Variants in BOD1L1 observed in about 807,000 individuals in gnomAD.
BOD1L1 encodes the protein biorientation of chromosomes in cell division protein 1-like 1.
BOD1L1 carries 86 observed loss-of-function variants against 240.7 expected under a neutral mutation model. The observed-to-expected ratio is 0.36, with a 90% CI of 0.30 to 0.43. The LOEUF (loss-of-function observed/expected upper bound fraction) is 0.43. Ranked by LOEUF, BOD1L1 falls within the 20% of genes least tolerant of loss-of-function variation. The pLI, the probability that BOD1L1 is intolerant of heterozygous loss-of-function variation, is 1.00. For synonymous variants in BOD1L1, 1,268 were observed against 1,272.3 expected (o/e 1.00, Z 0.07); for missense variants, 3,554 against 3,643.5 (o/e 0.98, Z 0.63).
chr4:13,598,860 A>G (rs2108934582), intron 10 of BOD1L1, 86 bp downstream of exon 10: 2 of 1,355,548 alleles, frequency 1.5e-6, no homozygotes, highest in South Asian at 1.7e-5. Flanking sequence ...AACCAAAACC[A>G]TCTTTTGGAA....
Position 13,569,533 on chromosome 4 carries a change from A to T in BOD1L1, c.*478T>A, listed in dbSNP as rs758885393. On this transcript the variant is annotated 3_prime_UTR_variant, in exon 26 of 26. Coordinates refer to ENST00000040738, the MANE Select transcript of BOD1L1 (RefSeq NM_148894.3). The stretch of plus-strand genomic sequence containing the variant: ...ACCCTTTTTATTTAAAAAAAAAATA[A>T]AGTAAAATAAACAGATATATAGTAA... The T allele has an allele frequency of 6.6e-6, 1 of 152,238 alleles. No homozygotes were observed. The highest frequency in any genetic ancestry group is 1.5e-5 in the Non-Finnish European group (1 of 68,050). The allele number at this position is 152,238 out of a possible 1,614,324, so 9.4% of individuals were successfully genotyped here.
intron 15 of BOD1L1, 55 bp from the exon 16 acceptor site, chr4:13,587,826 G>A: frequency 1.7e-6 from 2 of 1,186,148 alleles, no homozygotes; most frequent in Non-Finnish European, 2.4e-6. Context: ...CAAATAAACT[G>A]AAAGAGGAGC....
intron 25 of BOD1L1, chr4:13,572,676 G>A (rs1394091467): frequency 2.3e-6 from 3 of 1,286,390 alleles, no homozygotes; most frequent in Non-Finnish European, 3.0e-6. Context: ...GGTTAAAAAT[G>A]GCTTGAAGTG....
In BOD1L1 at chr4:13,587,726, G is replaced by A. The variant is rs1713820058; in HGVS notation, c.8326C>T (p.His2776Tyr). ...GGTTCATCTTCTGAAGAGAGATAATGCTGCTTTCTTTTTCTTTTAGGCATA... is the reference window on the plus strand; with the variant it reads ...GGTTCATCTTCTGAAGAGAGATAATACTGCTTTCTTTTTCTTTTAGGCATA... ...RHMPKRKRKQ[H>Y]YLSSEDEPDD... The change falls in exon 16 of 26, where the codon CAT becomes TAT. Residue 2776 changes from histidine to tyrosine, a missense_variant. His to Tyr is a moderately conservative substitution (Grantham distance 83). This residue lies in a region of BOD1L1 where 3,393 missense variants were observed against 3,427.1 expected (regional missense o/e 0.99). Transcript: ENST00000040738. The A allele has an allele frequency of 6.4e-7, 1 of 1,560,010 alleles. No homozygotes were observed. Among genetic ancestry groups the A allele is most frequent in the Non-Finnish European group, 8.7e-7 (1 of 1,149,390 alleles).
At position 13,603,271 on chromosome 4, in the gene BOD1L1, T is replaced by A. The variant is rs2108954594; in HGVS notation, c.3629A>T (p.Gln1210Leu). Residue 1210 changes from glutamine to leucine, a missense_variant, in exon 10 of 26, where the codon CAA (glutamine) becomes CTA (leucine). This residue lies in a region of BOD1L1 where 3,393 missense variants were observed against 3,427.1 expected (regional missense o/e 0.99). Coordinates refer to ENST00000040738, the MANE Select transcript of BOD1L1 (RefSeq NM_148894.3). ...AGGGTTCATTTTGGACACAGCACTT[T>A]GTATATGCATTTTCTTGGTCAAGGT... ...RSTLTKKMHI[Q>L]SAVSKMNPGE... 1 of 1,613,984 alleles carries A rather than the reference T, an allele frequency of 6.2e-7. No homozygotes were observed. Among genetic ancestry groups the A allele is most frequent in the East Asian group, 2.2e-5 (1 of 44,882 alleles).
chr4:13,588,892 G>GTTTTCTT, intron 14 of BOD1L1, 100 bp from the exon 15 acceptor site: 1 of 795,946 alleles, frequency 1.3e-6, no homozygotes, highest in East Asian at 2.8e-5. Flanking sequence ...AACTGAGTTA[G>GTTTTCTT]TAACTTTATT....
chr4:13,620,513 A>G (rs1716964651), intron 1 of BOD1L1, among the ~76,000 whole-genome samples: 1 of 152,190 alleles, frequency 6.6e-6, no homozygotes. Flanking sequence ...GCATTTAGTG[A>G]GCCTCCAAAT....
Position 13,588,711 on chromosome 4 carries a change from T to C in BOD1L1, c.8280+11A>G. On this transcript the variant is annotated intron_variant, in intron 15 of 25. Transcript: ENST00000040738. ...ATAAAATATCAAACACTTGAGTTTA[T>C]TAAAATGCACCTCTTTAGGATCTGC... The C allele has an allele frequency of 6.3e-7, 1 of 1,582,856 alleles. No individual in the cohort carries two copies. The highest frequency in any genetic ancestry group is 8.6e-7 in the Non-Finnish European group (1 of 1,164,322).
At position 13,600,854 on chromosome 4, in the gene BOD1L1, C is replaced by T. The variant is rs1715081144; in HGVS notation, c.6046G>A (p.Val2016Ile). Reference protein sequence around the residue: ...GSYDVLVSGEVPECEVAHTSP... With the variant: ...GSYDVLVSGEIPECEVAHTSP... ...GTGTGAGCAACTTCACATTCTGGGA[C>T]TTCACCAGATACAAGAACATCGTAA... Residue 2016 changes from valine (V) to isoleucine (I), a missense_variant, in exon 10 of 26, where the codon GTC becomes ATC. Val to Ile is a conservative substitution (Grantham distance 29). Coordinates refer to ENST00000040738, the MANE Select transcript of BOD1L1 (RefSeq NM_148894.3). The T allele has an allele frequency of 6.2e-7, 1 of 1,613,726 alleles. No homozygotes were observed. The highest frequency in any genetic ancestry group is 8.5e-7 in the Non-Finnish European group (1 of 1,179,828).
chr4:13,597,685 A>T (rs890680302), intron 10 of BOD1L1, among the ~76,000 whole-genome samples: 11 of 152,146 alleles, frequency 7.2e-5, no homozygotes, highest in Admixed American at 2.0e-4. Flanking sequence ...ATCCTTCTTT[A>T]GATTGTGTAG....
rs1715094821 is a variant in BOD1L1, at chr4:13,600,925, T to G, written c.5975A>C (p.Glu1992Ala). ...GGAAATAGTGGTATCTTCAACTTTTTCGAGCTGACTGTCACTTTGATCAGA... is the reference window on the plus strand; with the variant it reads ...GGAAATAGTGGTATCTTCAACTTTTGCGAGCTGACTGTCACTTTGATCAGA... ...AASDQSDSQL[E>A]KVEDTTISTG... The change falls in exon 10 of 26, where the codon GAA (glutamate) becomes GCA (alanine). Residue 1992 changes from glutamate (E) to alanine (A), a missense_variant. Around this residue, in one of 2 missense-constraint regions of BOD1L1, gnomAD observed 3,393 missense variants for 3,427.1 expected, o/e 0.99. Transcript: ENST00000040738. 6 of 1,614,028 alleles carry G rather than the reference T, an allele frequency of 3.7e-6. No individual in the cohort carries two copies. Among genetic ancestry groups the G allele is most frequent in the Non-Finnish European group, 5.1e-6 (6 of 1,179,902 alleles).
Position 13,582,632 on chromosome 4 carries a change from C to T in BOD1L1, c.8518+20G>A. ...GCTTTGAAGGCTCAGTCAATTTACC[C>T]AAGCAGATATTTTACTCACCTTTTT... On this transcript the variant is annotated intron_variant, in intron 18 of 25. Coordinates refer to ENST00000040738, the MANE Select transcript of BOD1L1 (RefSeq NM_148894.3). The T allele has an allele frequency of 1.3e-6, 2 of 1,568,654 alleles. No individual in the cohort carries two copies. The highest frequency in any genetic ancestry group is 1.8e-6 in the Non-Finnish European group (2 of 1,140,076).
intron 3 of BOD1L1, 101 bp from the exon 4 acceptor site, chr4:13,614,911 G>T: frequency 1.6e-6 from 2 of 1,226,308 alleles, no homozygotes; most frequent in Non-Finnish European, 2.2e-6. Flanking sequence ...TGATGCATAT[G>T]CTGTGCAGAC....
At chr4:13,597,674 T>C (rs555775191) in intron 10 of BOD1L1, among the ~76,000 whole-genome samples, 1 of 152,318 alleles carries the variant, frequency 6.6e-6, no homozygotes, top group South Asian at 2.1e-4. Flanking sequence ...TTGCCTCTTA[T>C]ATCCTTCTTT....
intron 19 of BOD1L1, among the ~76,000 whole-genome samples, chr4:13,581,889 T>C (rs1400470476): frequency 6.6e-6 from 1 of 152,152 alleles, no homozygotes; most frequent in Non-Finnish European, 1.5e-5. Context: ...CTGGACTCCA[T>C]GGCTCAGACA....
At position 13,604,408 on chromosome 4, in the gene BOD1L1, A is replaced by G. The variant is rs1244851823; in HGVS notation, c.2492T>C (p.Leu831Ser). Residue 831 changes from leucine (L) to serine (S), a missense_variant, in exon 10 of 26, where the codon TTG (leucine) becomes TCG (serine). Transcript: ENST00000040738. Reference sequence around the variant, plus strand: ...CTCTGCCTTAGTTTTTTCAGCTGACAAGCGTCTCTCTTTTTTGTTGTTTTC... The same window carrying G: ...CTCTGCCTTAGTTTTTTCAGCTGACGAGCGTCTCTCTTTTTTGTTGTTTTC... Reference protein sequence around the residue: ...RKENNKKERRLSAEKTKAEHK... With the variant: ...RKENNKKERRSSAEKTKAEHK... The G allele has an allele frequency of 6.3e-7, 1 of 1,575,484 alleles. No homozygotes were observed. Among genetic ancestry groups the G allele is most frequent in the East Asian group, 2.3e-5 (1 of 44,356 alleles).
chr4:13,625,331 C>G (rs774127631), intron 1 of BOD1L1: 7 of 152,160 alleles, frequency 4.6e-5, no homozygotes, highest in Non-Finnish European at 1.0e-4. Context: ...AGTAGAAAAA[C>G]AGCGTTTTAA....
intron 1 of BOD1L1, 73 bp from the exon 2 acceptor site, chr4:13,620,140 T>C: frequency 7.0e-7 from 1 of 1,424,856 alleles, no homozygotes. Flanking sequence ...AAAAGTATTT[T>C]TACCATGGGA....
intron 13 of BOD1L1, 87 bp downstream of exon 13, chr4:13,591,836 C>A: frequency 9.8e-7 from 1 of 1,024,182 alleles, no homozygotes; most frequent in South Asian, 1.6e-5. Flanking sequence ...GCAACCCCTT[C>A]AGATGGCTCC....
Sources: allele counts gnomAD v4.1 joint callset (sites outside exome capture counted in the v4.1 genomes callset), GRCh38; gene constraint gnomAD v4.1.1; regional missense constraint gnomAD v4.1.1; transcripts MANE v1.5; gene names NCBI Gene and HGNC (gene_info 2026-07-23, HGNC 2026-07-21).